HSD17B11: variants seen among roughly 807,000 people sequenced by gnomAD.
HSD17B11 encodes the protein hydroxysteroid 17-beta dehydrogenase 11, also known as estradiol 17-beta-dehydrogenase 11.
HSD17B11 carries 22 observed loss-of-function variants against 27.8 expected under a neutral mutation model. The observed-to-expected ratio is 0.79, with a 90% CI of 0.56 to 1.13. HSD17B11 has a LOEUF of 1.13. HSD17B11 is among the 50% of genes most tolerant of loss of function. The pLI, the probability that HSD17B11 is intolerant of heterozygous loss-of-function variation, is 0.00. For synonymous variants in HSD17B11, 117 were observed against 132.8 expected, an observed-to-expected ratio of 0.88 and a Z score of 0.82; for missense variants, 314 against 351.1, an observed-to-expected ratio of 0.89 and a Z score of 0.84.
At position 87,377,440 on chromosome 4, in the gene HSD17B11, ACT is replaced by A. The variant is rs1419336299; in HGVS notation, c.319-2612_319-2611del. ...GCTCTAGCCTGAGCGACAGAGCGAG[ACT>A]CTGTCTCAAAAAAAAAAAAGACTAT... is the stretch of plus-strand genomic sequence containing the variant. On this transcript the variant is annotated intron_variant, in intron 2 of 6. Coordinates refer to ENST00000358290, the MANE Select transcript of HSD17B11 (RefSeq NM_016245.5). 1.3e-4 allele frequency among the ~76,000 whole-genome samples: 18 copies of A among 138,178 alleles called. 1 individual carries two copies. In the South Asian group the frequency reaches 3.8e-3, roughly 29 times the overall value. 90.7% of individuals were successfully genotyped at this position (138,178 alleles called of 152,430 possible). A position where few individuals can be genotyped will look rare whatever the true frequency, so the allele number is the denominator to read the frequency against.
intron 2 of HSD17B11, among the ~76,000 whole-genome samples, chr4:87,375,376 T>C (rs781560943): frequency 2.0e-5 from 3 of 152,262 alleles, no homozygotes; most frequent in Non-Finnish European, 2.9e-5. Context: ...CTTAGTTCTA[T>C]TGACTATAGA....
chr4:87,357,308 G>A lies in HSD17B11; in HGVS notation c.666C>T (p.Asn222=). 3 of 1,612,328 alleles carry A rather than the reference G, an allele frequency of 1.9e-6. No homozygotes were observed. Among genetic ancestry groups the A allele is most frequent in the Non-Finnish European group, 2.5e-6 (3 of 1,179,472 alleles). ...TACTTGGATTTTTGATGAAGCCAGT[G>A]TTTACGAAATTAGGACACAGACATG... ...KTTCLCPNFV[N]TGFIKNPSTS... is the part of the protein sequence containing the mutation. Residue 222 remains asparagine, a synonymous_variant, in exon 5 of 7, where the codon AAC becomes AAT. Coordinates refer to ENST00000358290, the MANE Select transcript of HSD17B11 (RefSeq NM_016245.5).
chr4:87,378,956 A>T (rs1325955996), intron 2 of HSD17B11, among the ~76,000 whole-genome samples: 5 of 28,602 alleles, frequency 1.7e-4, no homozygotes, highest in African/African-American at 8.2e-4. Context: ...ATTTATATAT[A>T]TATATTTTTT....
At chr4:87,372,667 G>T (rs895669004) in intron 4 of HSD17B11, 42 bp downstream of exon 4, 1 of 1,173,220 alleles carries the variant, frequency 8.5e-7, no homozygotes, top group Non-Finnish European at 1.3e-6. Flanking sequence ...TCACACACAA[G>T]GTAGGCATAA....
At chr4:87,364,862 TC>T (rs1735588130) in intron 4 of HSD17B11, among the ~76,000 whole-genome samples, 1 of 152,216 alleles carries the variant, frequency 6.6e-6, no homozygotes, top group Non-Finnish European at 1.5e-5. Context: ...CTGAAACCTG[TC>T]ATCCAATTAA....
At chr4:87,378,801 A>G (rs1719986096) in intron 2 of HSD17B11, among the ~76,000 whole-genome samples, 1 of 105,240 alleles carries the variant, frequency 9.5e-6, no homozygotes, top group African/African-American at 4.9e-5. Flanking sequence ...ATGATTTTAT[A>G]TATATATATA....
At chr4:87,371,913 T>C (rs569865156) in intron 4 of HSD17B11, among the ~76,000 whole-genome samples, 2 of 152,200 alleles carry the variant, frequency 1.3e-5, no homozygotes, top group South Asian at 2.1e-4. Flanking sequence ...CAACCCTGCA[T>C]GTTAGCCCAA....
chr4:87,338,211 C>T (rs1030269157), intron 6 of HSD17B11, among the ~76,000 whole-genome samples: 2 of 151,158 alleles, frequency 1.3e-5, no homozygotes, highest in Admixed American at 6.6e-5. Flanking sequence ...AGCGAGACTC[C>T]GTCCCCCACA....
intron 5 of HSD17B11, among the ~76,000 whole-genome samples, chr4:87,341,474 T>C (rs1476891175): frequency 6.6e-6 from 1 of 152,152 alleles, no homozygotes; most frequent in Non-Finnish European, 1.5e-5. Flanking sequence ...AATTAGGTTT[T>C]GGCTTTGTTA....
intron 5 of HSD17B11, among the ~76,000 whole-genome samples, chr4:87,354,737 A>G (rs115772711): frequency 0.024 from 3,583 of 152,042 alleles, 67 homozygotes; most frequent in Non-Finnish European, 0.034. Flanking sequence ...AATATTTTTC[A>G]TTAATTTTAA....
At chr4:87,361,885 T>C (rs540136259) in intron 4 of HSD17B11, among the ~76,000 whole-genome samples, 13 of 152,350 alleles carry the variant, frequency 8.5e-5, no homozygotes, top group African/African-American at 3.1e-4. Context: ...GTAACATCTT[T>C]CTGGCAACCA....
intron 2 of HSD17B11, among the ~76,000 whole-genome samples, chr4:87,381,931 T>G (rs7694996): frequency 0.038 from 5,772 of 152,210 alleles, 390 homozygotes; most frequent in African/African-American, 0.13. Flanking sequence ...ATGAGCATCA[T>G]GGGTGAGATG....
chr4:87,360,383 TAATC>T (rs1232728399), intron 4 of HSD17B11, among the ~76,000 whole-genome samples: 1 of 152,218 alleles, frequency 6.6e-6, no homozygotes, highest in Non-Finnish European at 1.5e-5. Context: ...CCCAAGGTAA[TAATC>T]AATGATGTCT....
intron 2 of HSD17B11, among the ~76,000 whole-genome samples, chr4:87,378,298 C>T (rs574652904): frequency 6.6e-6 from 1 of 152,250 alleles, no homozygotes; most frequent in South Asian, 2.1e-4. Context: ...ATTACCTCCC[C>T]AGGATATGAA....
chr4:87,340,374 A>T, intron 6 of HSD17B11, 116 bp downstream of exon 6: 1 of 597,070 alleles, frequency 1.7e-6, no homozygotes, highest in Non-Finnish European at 2.8e-6. Flanking sequence ...TATTTTTATT[A>T]AGTCAATTCC....
At chr4:87,343,153 G>A (rs1735201233) in intron 5 of HSD17B11, among the ~76,000 whole-genome samples, 2 of 152,072 alleles carry the variant, frequency 1.3e-5, no homozygotes, top group Admixed American at 1.3e-4. Context: ...CTTTACCTAA[G>A]GTTTTTAGCC....
intron 4 of HSD17B11, among the ~76,000 whole-genome samples, chr4:87,370,445 C>G (rs938989069): frequency 1.3e-5 from 2 of 151,884 alleles, no homozygotes; most frequent in Non-Finnish European, 2.9e-5. Context: ...GAGACGAAGT[C>G]TCTCTCTGTT....
intron 4 of HSD17B11, among the ~76,000 whole-genome samples, chr4:87,371,953 C>T (rs1325202602): frequency 6.6e-6 from 1 of 151,984 alleles, no homozygotes; most frequent in Admixed American, 6.6e-5. Context: ...TCTTAAAAGC[C>T]ACTTCTCGGC....
At chr4:87,362,802 G>A (rs7661662) in intron 4 of HSD17B11, among the ~76,000 whole-genome samples, 4,634 of 152,274 alleles carry the variant, frequency 0.03, 89 homozygotes, top group Middle Eastern at 0.065. Context: ...CTGCTCAACC[G>A]ACAGCAGCAG....
Sources: allele counts gnomAD v4.1 joint callset (sites outside exome capture counted in the v4.1 genomes callset), GRCh38; gene constraint gnomAD v4.1.1; transcripts MANE v1.5; gene names NCBI Gene and HGNC (gene_info 2026-07-23, HGNC 2026-07-21).